Variants in HPSE2 observed in about 807,000 individuals in gnomAD.
HPSE2 encodes the protein heparanase 2 (inactive), also known as inactive heparanase-2.
A neutral mutation model predicts 60.5 loss-of-function variants in HPSE2; 38 were observed. That is an observed-to-expected ratio of 0.63 (90% CI 0.48 to 0.82). HPSE2 has a LOEUF of 0.82. HPSE2 is among the 40% of genes least tolerant of loss of function. HPSE2 has a pLI of 0.00. For missense variants in HPSE2, 713 were observed against 740.4 expected, an observed-to-expected ratio of 0.96 and a Z score of 0.43; for synonymous variants, 295 against 293.2, an observed-to-expected ratio of 1.01 and a Z score of -0.06.
intron 3 of HPSE2, among the ~76,000 whole-genome samples, chr10:99,088,310 C>T (rs763671257): frequency 3.3e-5 from 5 of 152,118 alleles, no homozygotes; most frequent in Non-Finnish European, 7.3e-5. Flanking sequence ...CCCCCATCAA[C>T]CAAGCAGTAT....
chr10:98,835,461 T>C (rs1951769844), intron 3 of HPSE2, among the ~76,000 whole-genome samples: 1 of 152,182 alleles, frequency 6.6e-6, no homozygotes, highest in African/African-American at 2.4e-5. Flanking sequence ...AAGTGATTGC[T>C]GTCATGGTTA....
intron 3 of HPSE2, among the ~76,000 whole-genome samples, chr10:98,756,691 C>A (rs1397917795): frequency 1.3e-5 from 2 of 151,836 alleles, no homozygotes; most frequent in South Asian, 2.1e-4. Context: ...AGCCTACCAA[C>A]CAAAAAACAA....
intron 3 of HPSE2, among the ~76,000 whole-genome samples, chr10:98,836,952 T>C (rs572686233): frequency 2.0e-5 from 3 of 152,174 alleles, no homozygotes; most frequent in Middle Eastern, 3.4e-3. Context: ...GGAGGGAGAA[T>C]TGCTTGAACT....
chr10:98,803,191 G>A (rs1331008218), intron 3 of HPSE2, among the ~76,000 whole-genome samples: 3 of 151,260 alleles, frequency 2.0e-5, no homozygotes, highest in African/African-American at 7.3e-5. Flanking sequence ...TTGCAAATTT[G>A]TTTGAGTTCA....
In HPSE2 at chr10:98,667,039, G is replaced by A. The variant is rs559806559; in HGVS notation, c.1005-25099C>T. ...TAAACATCTAGCTAGATTAACAAAG[G>A]AAAAAAAAAGATTCAAATAAGCACA... On this transcript the variant is annotated intron_variant, in intron 6 of 11. Coordinates refer to ENST00000370552, the MANE Select transcript of HPSE2 (RefSeq NM_021828.5). Among the ~76,000 whole-genome samples the A allele has an allele frequency of 3.2e-4, 48 of 150,432 alleles. 2 individuals are homozygous for A. The East Asian group carries it at 9.0e-3, about 28-fold the overall frequency.
At chr10:98,595,604 G>A (rs1291067318) in intron 9 of HPSE2, among the ~76,000 whole-genome samples, 1 of 151,964 alleles carries the variant, frequency 6.6e-6, no homozygotes, top group Non-Finnish European at 1.5e-5. Flanking sequence ...TTTTTTTAGT[G>A]GAGTCTTTAG....
the HPSE2 span, among the ~76,000 whole-genome samples, chr10:99,250,141 T>TTAA: frequency 4.7e-4 from 8 of 17,042 alleles, 1 homozygote; most frequent in Non-Finnish European, 9.0e-4. Flanking sequence ...AAACTCCATC[T>TTAA]CAAAAAAAAA....
At chr10:99,116,747 G>A (rs543325287) in intron 3 of HPSE2, among the ~76,000 whole-genome samples, 2 of 152,266 alleles carry the variant, frequency 1.3e-5, no homozygotes, top group South Asian at 4.1e-4. Context: ...AAAGAAAAAA[G>A]TACTGCTTGC....
chr10:98,730,861 T>C (rs1589725642), intron 4 of HPSE2, among the ~76,000 whole-genome samples: 1 of 152,186 alleles, frequency 6.6e-6, no homozygotes, highest in African/African-American at 2.4e-5. Context: ...TATGGATTAG[T>C]TGGTGAATTC....
intron 3 of HPSE2, among the ~76,000 whole-genome samples, chr10:99,004,944 T>C (rs1311059007): frequency 6.6e-6 from 1 of 152,170 alleles, no homozygotes; most frequent in Non-Finnish European, 1.5e-5. Flanking sequence ...GTTTCTTTTT[T>C]CCTTTAGTAC....
intron 7 of HPSE2, among the ~76,000 whole-genome samples, chr10:98,628,004 C>A (rs1946261926): frequency 6.6e-6 from 1 of 152,158 alleles, no homozygotes; most frequent in African/African-American, 2.4e-5. Flanking sequence ...TCCTGTCAAG[C>A]CACATGAACA....
At chr10:98,692,724 G>A (rs7921075) in intron 6 of HPSE2, among the ~76,000 whole-genome samples, 53,499 of 151,692 alleles carry the variant, frequency 0.35, 9,643 homozygotes, top group Admixed American at 0.41. Flanking sequence ...AGCCGAGATC[G>A]CGCCACTGCA....
intron 5 of HPSE2, among the ~76,000 whole-genome samples, chr10:98,712,643 G>A (rs1035313145): frequency 4.6e-5 from 7 of 152,208 alleles, no homozygotes; most frequent in East Asian, 1.9e-4. Flanking sequence ...GTGGTCTGCC[G>A]TGGTGGCAAA....
intron 10 of HPSE2, among the ~76,000 whole-genome samples, chr10:98,486,394 C>G (rs1941442755): frequency 6.6e-6 from 1 of 152,126 alleles, no homozygotes; most frequent in South Asian, 2.1e-4. Flanking sequence ...GAGAAGTTGT[C>G]TGAGAGGACC....
intron 3 of HPSE2, among the ~76,000 whole-genome samples, chr10:98,877,081 T>G (rs1241779045): frequency 6.6e-6 from 1 of 151,912 alleles, no homozygotes; most frequent in Admixed American, 6.6e-5. Context: ...GAAATATCTC[T>G]TATATAAGAA....
intron 3 of HPSE2, among the ~76,000 whole-genome samples, chr10:98,978,328 G>A (rs1038660919): frequency 5.9e-5 from 9 of 152,050 alleles, no homozygotes; most frequent in African/African-American, 1.7e-4. Context: ...GTTTTGTAAT[G>A]AAGTCATAGA....
intron 7 of HPSE2, among the ~76,000 whole-genome samples, chr10:98,624,483 A>T (rs778650314): frequency 2.0e-5 from 3 of 152,174 alleles, no homozygotes; most frequent in Non-Finnish European, 2.9e-5. Context: ...ATGAGGTCAG[A>T]GAAGAAAGGA....
At chr10:98,789,019 G>T (rs1452342418) in intron 3 of HPSE2, among the ~76,000 whole-genome samples, 1 of 151,714 alleles carries the variant, frequency 6.6e-6, no homozygotes, top group Non-Finnish European at 1.5e-5. Flanking sequence ...TTTAGCACTT[G>T]TCACTCTATA....
intron 2 of HPSE2, among the ~76,000 whole-genome samples, chr10:99,207,397 T>C (rs1848786641): frequency 1.3e-5 from 2 of 152,232 alleles, no homozygotes; most frequent in South Asian, 4.1e-4. Context: ...TAAGAAATGC[T>C]AAAGGGAGTT....
Sources: gnomAD v4.1 joint callset for allele counts (sites outside exome capture counted in the v4.1 genomes callset) on GRCh38, gnomAD v4.1.1 for gene constraint, MANE v1.5 for transcripts, NCBI Gene and HGNC (gene_info 2026-07-23, HGNC 2026-07-21) for gene names.